Variants in MALRD1 observed in about 807,000 individuals in gnomAD.
The protein encoded by MALRD1 is MAM and LDL receptor class A domain containing 1.
In MALRD1, 247 loss-of-function variants were observed where a neutral mutation model predicts 242.1. That is an observed-to-expected ratio of 1.02 (90% confidence interval 0.92 to 1.13). The LOEUF (loss-of-function observed/expected upper bound fraction) is 1.13. Among genes scored for constraint, MALRD1 ranks in the 50% most tolerant of loss-of-function variants. The pLI, the probability that MALRD1 is intolerant of heterozygous loss-of-function variation, is 0.00. For synonymous variants in MALRD1, 995 were observed against 866.6 expected (o/e 1.15, Z -2.60); for missense variants, 2,989 against 2,533.1 (o/e 1.18, Z -3.86).
intron 31 of MALRD1, among the ~76,000 whole-genome samples, chr10:19,512,793 T>C (rs1439609155): frequency 1.3e-5 from 2 of 152,192 alleles, no homozygotes; most frequent in Non-Finnish European, 2.9e-5. Flanking sequence ...ACAAACCATT[T>C]TAGCAATTTT....
At chr10:19,596,711 C>G (rs1048702282) in intron 34 of MALRD1, among the ~76,000 whole-genome samples, 1 of 150,780 alleles carries the variant, frequency 6.6e-6, no homozygotes, top group Non-Finnish European at 1.5e-5. Flanking sequence ...TGCACCCCAG[C>G]CTGGGTGACA....
chr10:19,230,716 T>C (rs947653408), intron 18 of MALRD1, among the ~76,000 whole-genome samples: 6 of 152,176 alleles, frequency 3.9e-5, no homozygotes, highest in Non-Finnish European at 7.3e-5. Context: ...GAGAGTTAGC[T>C]TCCCTCCTCT....
chr10:19,412,979 T>C (rs902845633), intron 28 of MALRD1, among the ~76,000 whole-genome samples: 1 of 152,186 alleles, frequency 6.6e-6, no homozygotes, highest in Non-Finnish European at 1.5e-5. Flanking sequence ...ATATGATGTA[T>C]TTTATAACAT....
At chr10:19,347,488 T>C (rs1844183902) in intron 24 of MALRD1, among the ~76,000 whole-genome samples, 1 of 152,144 alleles carries the variant, frequency 6.6e-6, no homozygotes, top group Non-Finnish European at 1.5e-5. Context: ...ATAAATTATA[T>C]TGACCAAATA....
At chr10:19,205,377 C>A in intron 17 of MALRD1, 112 bp downstream of exon 17, 3 of 1,265,710 alleles carry the variant, frequency 2.4e-6, no homozygotes, top group Non-Finnish European at 3.1e-6. Context: ...AGCTCCAAAG[C>A]TGATGAATGT....
intron 26 of MALRD1, among the ~76,000 whole-genome samples, chr10:19,376,765 G>C (rs1179215621): frequency 6.6e-6 from 1 of 151,740 alleles, no homozygotes; most frequent in African/African-American, 2.4e-5. Flanking sequence ...CTTTATTAGA[G>C]ACGGGGTTTC....
chr10:19,326,690 C>T (rs1243512311), intron 22 of MALRD1, among the ~76,000 whole-genome samples: 1 of 151,514 alleles, frequency 6.6e-6, no homozygotes, highest in Non-Finnish European at 1.5e-5. Context: ...TCTGGAAACT[C>T]CAATTATATT....
Position 19,123,560 on chromosome 10 carries a change from T to C in MALRD1, c.763T>C (p.Cys255Arg). The change falls in exon 6 of 40, where the codon TGC (cysteine) becomes CGC (arginine). Residue 255 changes from cysteine (C) to arginine (R), a missense_variant. Physicochemically the swap from Cys to Arg is radical, Grantham distance 180. Transcript: ENST00000454679. ...RELCHPDTDLCRFDATDEELR... is the reference protein window; with the variant it reads ...RELCHPDTDLRRFDATDEELR... Reference sequence around the variant, plus strand: ...GCTATGCCATCCAGATACAGATCTCTGCAGATTTGATGCTACAGATGAAGA... The same window carrying C: ...GCTATGCCATCCAGATACAGATCTCCGCAGATTTGATGCTACAGATGAAGA... 1 of 1,233,384 alleles carries C rather than the reference T, an allele frequency of 8.1e-7. No homozygotes were observed. Among genetic ancestry groups the C allele is most frequent in the Admixed American group, 4.2e-5 (1 of 23,730 alleles). 76.4% of individuals were successfully genotyped at this position (1,233,384 alleles called of 1,614,324 possible). A position where few individuals can be genotyped will look rare whatever the true frequency, so the allele number is the denominator to read the frequency against.
chr10:19,464,132 T>C (rs2096860502), intron 29 of MALRD1, among the ~76,000 whole-genome samples: 2 of 152,166 alleles, frequency 1.3e-5, no homozygotes, highest in African/African-American at 2.4e-5. Context: ...CAGAGGTATA[T>C]ATTGTGAAGA....
At chr10:19,627,311 C>A (rs1207149894) in intron 36 of MALRD1, among the ~76,000 whole-genome samples, 1 of 151,866 alleles carries the variant, frequency 6.6e-6, no homozygotes, top group African/African-American at 2.4e-5. Context: ...GCTTAGTAAG[C>A]AGCTGTAAAA....
intron 36 of MALRD1, among the ~76,000 whole-genome samples, chr10:19,620,557 G>C (rs11010718): frequency 6.6e-6 from 1 of 151,842 alleles, no homozygotes; most frequent in Non-Finnish European, 1.5e-5. Context: ...ATTGATTAAT[G>C]TTAACCTGAA....
intron 19 of MALRD1, among the ~76,000 whole-genome samples, chr10:19,259,596 A>G (rs561452191): frequency 2.0e-5 from 3 of 152,214 alleles, no homozygotes; most frequent in African/African-American, 4.8e-5. Context: ...CCGTGATTCA[A>G]TTACCTCTCA....
At chr10:19,396,141 CT>C (rs71387076) in intron 28 of MALRD1, among the ~76,000 whole-genome samples, 158 of 103,938 alleles carry the variant, frequency 1.5e-3, no homozygotes, top group African/African-American at 4.5e-3. Context: ...TTTTTTTTTT[CT>C]TTTTTTTTTT....
intron 18 of MALRD1, among the ~76,000 whole-genome samples, chr10:19,249,917 T>A (rs1187638322): frequency 6.6e-6 from 1 of 151,966 alleles, no homozygotes; most frequent in Non-Finnish European, 1.5e-5. Context: ...GTTAAGTTGC[T>A]ACATAGAAAC....
intron 26 of MALRD1, among the ~76,000 whole-genome samples, chr10:19,367,213 C>A (rs1439637952): frequency 1.3e-5 from 2 of 151,654 alleles, no homozygotes; most frequent in Non-Finnish European, 2.9e-5. Flanking sequence ...GATCTTACTC[C>A]TTCTCTCTAG....
chr10:19,547,892 T>C (rs2131397187), intron 32 of MALRD1, among the ~76,000 whole-genome samples: 1 of 135,302 alleles, frequency 7.4e-6, no homozygotes, highest in African/African-American at 2.7e-5. Context: ...AGCAAGTGTA[T>C]GTATGGCTGC....
intron 14 of MALRD1, among the ~76,000 whole-genome samples, chr10:19,184,828 A>T (rs1400746092): frequency 2.0e-5 from 3 of 152,178 alleles, no homozygotes; most frequent in African/African-American, 7.2e-5. Flanking sequence ...GATTACAGGC[A>T]TGAGCTGCCA....
At chr10:19,602,604 A>C (rs1838412782) in intron 34 of MALRD1, among the ~76,000 whole-genome samples, 1 of 152,052 alleles carries the variant, frequency 6.6e-6, no homozygotes, top group African/African-American at 2.4e-5. Flanking sequence ...ATTGTTGGAC[A>C]TTTGGGTTGG....
chr10:19,471,189 T>C (rs117788202), intron 29 of MALRD1, among the ~76,000 whole-genome samples: 1,927 of 152,032 alleles, frequency 0.013, 17 homozygotes, highest in Non-Finnish European at 0.021. Flanking sequence ...GGAGAGATTA[T>C]TCTTTTTTCA....
Sources: gnomAD v4.1 joint callset for allele counts (sites outside exome capture counted in the v4.1 genomes callset) on GRCh38, gnomAD v4.1.1 for gene constraint, MANE v1.5 for transcripts, NCBI Gene and HGNC (gene_info 2026-07-23, HGNC 2026-07-21) for gene names.